Variants in SYT16 observed in about 807,000 individuals in gnomAD.
The protein encoded by SYT16 is synaptotagmin-16.
Under a neutral mutation model 61.4 loss-of-function variants are expected in SYT16, and 42 were observed. The ratio of observed to expected loss-of-function variants is 0.68; its 90% CI spans 0.53 to 0.89. SYT16 has a LOEUF of 0.89. SYT16 is among the 40% of genes least tolerant of loss of function. The pLI is 0.00. For missense variants in SYT16, 804 were observed against 807.3 expected (o/e 1.00, Z 0.05); for synonymous variants, 314 against 302.3 (o/e 1.04, Z -0.40).
At chr14:62,028,966 A>C (rs76234520) in intron 3 of SYT16, among the ~76,000 whole-genome samples, 7,231 of 152,294 alleles carry the variant, frequency 0.047, 298 homozygotes, top group African/African-American at 0.11. Flanking sequence ...ATGTTTTAAC[A>C]TTAAGTTCTG....
At chr14:61,844,911 A>G (rs1261297291) in intron 1 of SYT16, among the ~76,000 whole-genome samples, 1 of 152,150 alleles carries the variant, frequency 6.6e-6, no homozygotes, top group Non-Finnish European at 1.5e-5. Context: ...TGAATTTGGA[A>G]GGATTCTGTC....
chr14:61,934,714 T>C (rs995420610), intron 1 of SYT16, among the ~76,000 whole-genome samples: 7 of 152,366 alleles, frequency 4.6e-5, no homozygotes, highest in African/African-American at 1.7e-4. Flanking sequence ...TTGTGGAACC[T>C]GGGACAAATC....
chr14:61,958,879 C>G (rs1396624235), intron 1 of SYT16, among the ~76,000 whole-genome samples: 6 of 152,004 alleles, frequency 3.9e-5, no homozygotes, highest in South Asian at 4.1e-4. Flanking sequence ...GCATTGCTAC[C>G]TATTTTTCAC....
intron 1 of SYT16, among the ~76,000 whole-genome samples, chr14:61,966,831 C>G (rs968352895): frequency 1.3e-5 from 2 of 152,252 alleles, no homozygotes; most frequent in South Asian, 4.1e-4. Context: ...TGAGGTATGT[C>G]TTTCCAGGAG....
At position 62,108,158 on chromosome 14, in the gene SYT16, A is replaced by C. The variant is rs2057544917; in HGVS notation, c.*7451A>C. ...ACATTGGGAGTGTCCCTACCTTGGC[A>C]GATAGACCAATACTTTTTTCCTAGA... On this transcript the variant is annotated 3_prime_UTR_variant, in exon 8 of 8. Coordinates refer to ENST00000683842, the MANE Select transcript of SYT16 (RefSeq NM_001367656.1). The C allele has an allele frequency of 6.6e-6, 1 of 152,220 alleles. No individual in the cohort carries two copies. The highest frequency in any genetic ancestry group is 1.5e-5 in the Non-Finnish European group (1 of 68,030). The allele number at this position is 152,220 out of a possible 1,614,324, so 9.4% of individuals were successfully genotyped here. A position where few individuals can be genotyped will look rare whatever the true frequency, so the allele number is the denominator to read the frequency against.
At chr14:62,099,157 G>C (rs1250851258) in intron 7 of SYT16, among the ~76,000 whole-genome samples, 1 of 152,140 alleles carries the variant, frequency 6.6e-6, no homozygotes, top group Non-Finnish European at 1.5e-5. Flanking sequence ...AAGTATTGAA[G>C]ACTTTGTTTG....
intron 1 of SYT16, among the ~76,000 whole-genome samples, chr14:61,867,078 G>A (rs967951730): frequency 2.0e-5 from 3 of 151,474 alleles, no homozygotes; most frequent in Non-Finnish European, 4.4e-5. Context: ...GATTATTTCT[G>A]GAGTCTCTCT....
chr14:61,992,737 G>C (rs898869812), intron 2 of SYT16, among the ~76,000 whole-genome samples: 2 of 151,974 alleles, frequency 1.3e-5, no homozygotes, highest in African/African-American at 2.4e-5. Context: ...TGCATCCAGG[G>C]GTCGGGCAGG....
intron 2 of SYT16, among the ~76,000 whole-genome samples, chr14:61,989,955 T>A (rs1422495127): frequency 6.6e-6 from 1 of 152,174 alleles, no homozygotes; most frequent in East Asian, 1.9e-4. Flanking sequence ...TGTATCCGTA[T>A]TTTTGCCAGA....
chr14:61,879,380 C>G (rs1490743721), intron 1 of SYT16, among the ~76,000 whole-genome samples: 1 of 152,160 alleles, frequency 6.6e-6, no homozygotes, highest in African/African-American at 2.4e-5. Context: ...GTCATACTTT[C>G]ATCTCTGTGC....
At chr14:62,000,984 C>T (rs983014637) in intron 3 of SYT16, among the ~76,000 whole-genome samples, 3 of 151,968 alleles carry the variant, frequency 2.0e-5, no homozygotes, top group Admixed American at 2.0e-4. Flanking sequence ...AATGCTTGAG[C>T]CCAGGAGTTT....
intron 1 of SYT16, among the ~76,000 whole-genome samples, chr14:61,897,052 G>GA (rs954194331): frequency 2.2e-4 from 34 of 151,722 alleles, no homozygotes; most frequent in Admixed American, 1.0e-3. Flanking sequence ...CAAGTGGTGG[G>GA]AAAAAAAAGA....
At chr14:62,099,707 A>G (rs1231066998) in intron 7 of SYT16, among the ~76,000 whole-genome samples, 1 of 152,122 alleles carries the variant, frequency 6.6e-6, no homozygotes, top group African/African-American at 2.4e-5. Context: ...GGGAGACCCT[A>G]TTTCTACAAA....
chr14:62,100,556 A>C lies in SYT16; in HGVS notation c.1787A>C (p.Tyr596Ser). The change falls in exon 8 of 8, where the codon TAT becomes TCT. Residue 596 changes from tyrosine (Y) to serine (S), a missense_variant. Transcript: ENST00000683842. ...LSDVTLMISV[Y>S]NRRTMKRKEM... ...GATGTCACGTTGATGATTTCCGTTT[A>C]TAACAGGCGTACTATGAAGCGTAAA... 6.2e-7 allele frequency: 1 copy of C among 1,613,854 alleles called. No individual in the cohort carries two copies. The highest frequency in any genetic ancestry group is 8.5e-7 in the Non-Finnish European group (1 of 1,179,840).
At chr14:62,084,985 G>A (rs72718600) in intron 7 of SYT16, among the ~76,000 whole-genome samples, 6,808 of 152,336 alleles carry the variant, frequency 0.045, 224 homozygotes, top group Middle Eastern at 0.099. Context: ...GAGAAAGGAA[G>A]TAAAGGAGGC....
chr14:61,963,629 G>A (rs372262162), intron 1 of SYT16, among the ~76,000 whole-genome samples: 1 of 152,220 alleles, frequency 6.6e-6, no homozygotes, highest in South Asian at 2.1e-4. Context: ...GCAAGGTGAA[G>A]CAGCAAGTGC....
At chr14:62,010,614 A>G (rs1312517626) in intron 3 of SYT16, among the ~76,000 whole-genome samples, 3 of 152,166 alleles carry the variant, frequency 2.0e-5, no homozygotes, top group Non-Finnish European at 4.4e-5. Flanking sequence ...ATTTCCTAAT[A>G]TTTAATACAT....
Position 61,948,695 on chromosome 14 carries a change from C to T in SYT16, c.-324-21437C>T, listed in dbSNP as rs191624403. Among the ~76,000 whole-genome samples, 190 of 152,104 alleles carry T rather than the reference C, an allele frequency of 1.2e-3. 2 individuals carry two copies. The South Asian group carries it at 0.013, about 10-fold the overall frequency. On this transcript the variant is annotated intron_variant, in intron 1 of 7. Coordinates refer to ENST00000683842, the MANE Select transcript of SYT16 (RefSeq NM_001367656.1). ...TAGCACTCAATGACAGCTAAAGCCA[C>T]GAGAAAAATGCAGAAAATATGTGAA...
chr14:62,016,963 A>G (rs1477118593), intron 3 of SYT16, among the ~76,000 whole-genome samples: 2 of 152,120 alleles, frequency 1.3e-5, no homozygotes, highest in African/African-American at 4.8e-5. Flanking sequence ...TAGATTCATA[A>G]TAAATATTTC....
Sources: gnomAD v4.1 joint callset for allele counts (sites outside exome capture counted in the v4.1 genomes callset) on GRCh38, gnomAD v4.1.1 for gene constraint, MANE v1.5 for transcripts, NCBI Gene and HGNC (gene_info 2026-07-23, HGNC 2026-07-21) for gene names.